Variants in SLC22A15 observed in about 807,000 individuals in gnomAD.
The protein encoded by SLC22A15 is flipt 1.
SLC22A15 carries 45 observed loss-of-function variants against 62.7 expected under a neutral mutation model. The observed-to-expected ratio is 0.72, with a 90% CI of 0.56 to 0.92. The LOEUF is 0.92. SLC22A15 is among the 40% of genes least tolerant of loss of function. The pLI, the probability that SLC22A15 is intolerant of heterozygous loss-of-function variation, is 0.00. For synonymous variants in SLC22A15, 264 were observed against 267.0 expected, an observed-to-expected ratio of 0.99 and a Z score of 0.11; for missense variants, 622 against 665.6, an observed-to-expected ratio of 0.93 and a Z score of 0.72.
chr1:116,048,861 T>G (rs1461708183), intron 8 of SLC22A15, among the ~76,000 whole-genome samples: 3 of 152,190 alleles, frequency 2.0e-5, no homozygotes, highest in Admixed American at 2.0e-4. Flanking sequence ...GAGACTCACC[T>G]AACACATTAA....
At chr1:116,030,358 T>C (rs1323293133) in intron 5 of SLC22A15, among the ~76,000 whole-genome samples, 1 of 152,176 alleles carries the variant, frequency 6.6e-6, no homozygotes, top group African/African-American at 2.4e-5. Context: ...ACTATCCTTA[T>C]TAGAAGGCAC....
intron 1 of SLC22A15, among the ~76,000 whole-genome samples, chr1:115,987,806 A>G (rs1186401804): frequency 5.3e-5 from 8 of 152,160 alleles, no homozygotes; most frequent in African/African-American, 1.9e-4. Flanking sequence ...TCTCGTTCTC[A>G]TCCTGGTTTT....
At chr1:116,010,634 G>T (rs1052986722) in intron 2 of SLC22A15, among the ~76,000 whole-genome samples, 11 of 152,152 alleles carry the variant, frequency 7.2e-5, no homozygotes, top group Non-Finnish European at 1.3e-4. Context: ...CATGTACAAA[G>T]TTGTAATTAT....
At chr1:116,002,098 G>T (rs903215879) in intron 2 of SLC22A15, among the ~76,000 whole-genome samples, 2 of 152,210 alleles carry the variant, frequency 1.3e-5, no homozygotes, top group African/African-American at 2.4e-5. Flanking sequence ...TTACAAACTC[G>T]TAGAGATACA....
In SLC22A15 at chr1:116,035,196, C is replaced by T; in HGVS notation, c.954C>T (p.Cys318=). The part of the protein sequence containing the change: ...TLILMFIWFV[C]SLVYYGLTLS... ...TGACTCCCAATTGCAGGTTTGTGTG[C>T]AGCTTGGTGTATTATGGCCTAACTC... is the stretch of plus-strand genomic sequence containing the variant. The change falls in exon 7 of 12, where the codon TGC becomes TGT. Residue 318 remains cysteine, a synonymous_variant. Transcript: ENST00000369503. 1.9e-6 allele frequency: 3 copies of T among 1,611,338 alleles called. No homozygotes were observed. Among genetic ancestry groups the T allele is most frequent in the Non-Finnish European group, 2.5e-6 (3 of 1,178,638 alleles).
In SLC22A15 at chr1:116,067,810, G is replaced by C. The variant is rs556987073; in HGVS notation, c.*702G>C. Reference sequence around the variant, plus strand: ...CAGAGTCAGGGGTGTAGCTCTGGCTGCCTGTCAGCTCCCTTGGATACTATA... The same window carrying C: ...CAGAGTCAGGGGTGTAGCTCTGGCTCCCTGTCAGCTCCCTTGGATACTATA... On this transcript the variant is annotated 3_prime_UTR_variant, in exon 12 of 12. Coordinates refer to ENST00000369503, the MANE Select transcript of SLC22A15 (RefSeq NM_018420.3). 6.6e-6 allele frequency: 1 copy of C among 152,300 alleles called. No individual in the cohort carries two copies. The highest frequency in any genetic ancestry group is 2.1e-4 in the South Asian group (1 of 4,826). The allele number at this position is 152,300 out of a possible 1,614,324, so 9.4% of individuals were successfully genotyped here.
intron 8 of SLC22A15, among the ~76,000 whole-genome samples, chr1:116,047,158 G>C (rs1028310920): frequency 8.5e-5 from 13 of 152,192 alleles, no homozygotes; most frequent in African/African-American, 3.1e-4. Flanking sequence ...GCCGCGCACA[G>C]TGGCTTACAC....
chr1:116,020,449 G>C (rs1418672473), intron 3 of SLC22A15, among the ~76,000 whole-genome samples: 1 of 151,284 alleles, frequency 6.6e-6, no homozygotes, highest in Admixed American at 6.6e-5. Context: ...CCAGCTACCC[G>C]GGAGGCTGAG....
At chr1:116,064,715 A>C (rs1450972349) in intron 10 of SLC22A15, among the ~76,000 whole-genome samples, 2 of 152,094 alleles carry the variant, frequency 1.3e-5, no homozygotes, top group African/African-American at 4.8e-5. Context: ...TTTTTTGTTC[A>C]TCTGGATTTG....
chr1:116,039,224 ATGTAT>A (rs1468892219), intron 8 of SLC22A15, among the ~76,000 whole-genome samples: 1 of 152,124 alleles, frequency 6.6e-6, no homozygotes, highest in Non-Finnish European at 1.5e-5. Flanking sequence ...GAAAACGTGG[ATGTAT>A]TGTCTATTTT....
chr1:116,037,142 G>A (rs1181115025), intron 7 of SLC22A15, among the ~76,000 whole-genome samples, 161 bp from the exon 8 acceptor site: 1 of 152,152 alleles, frequency 6.6e-6, no homozygotes, highest in Non-Finnish European at 1.5e-5. Context: ...TATTTATTTT[G>A]AGTCCTAGTC....
intron 1 of SLC22A15, among the ~76,000 whole-genome samples, chr1:115,982,502 A>AT (rs1654658579): frequency 1.3e-5 from 2 of 152,100 alleles, no homozygotes; most frequent in Admixed American, 1.3e-4. Flanking sequence ...ACAACTACAT[A>AT]TTTTTTAGTG....
intron 1 of SLC22A15, among the ~76,000 whole-genome samples, chr1:115,979,342 G>A (rs913408220): frequency 1.3e-5 from 2 of 152,142 alleles, no homozygotes; most frequent in African/African-American, 4.8e-5. Context: ...AATCTCAATA[G>A]CATTCAACTT....
intron 1 of SLC22A15, among the ~76,000 whole-genome samples, chr1:115,978,745 A>G (rs1266626581): frequency 6.6e-6 from 1 of 152,198 alleles, no homozygotes; most frequent in African/African-American, 2.4e-5. Flanking sequence ...GTATTACGGC[A>G]GCTGGTCTGT....
intron 8 of SLC22A15, among the ~76,000 whole-genome samples, chr1:116,050,930 C>T (rs547538708): frequency 6.6e-6 from 1 of 152,180 alleles, no homozygotes; most frequent in Non-Finnish European, 1.5e-5. Context: ...ACACCAATGG[C>T]AGCCAAGCAG....
At position 115,992,183 on chromosome 1, in the gene SLC22A15, C is replaced by T. The variant is rs369295758; in HGVS notation, c.240C>T (p.Asn80=). The part of the protein sequence containing the change: ...QAFGDWLLTA[N]GSEIHKHVHF... ...TTGGGGACTGGCTCCTGACAGCCAACGGCAGTGAGATCCATAAGCACGTGC... is the reference window on the plus strand; with the variant it reads ...TTGGGGACTGGCTCCTGACAGCCAATGGCAGTGAGATCCATAAGCACGTGC... Residue 80 remains asparagine, a synonymous_variant, in exon 2 of 12, where the codon AAC becomes AAT. Transcript: ENST00000369503. 3.2e-5 allele frequency: 52 copies of T among 1,610,674 alleles called. No homozygotes were observed. Among genetic ancestry groups the T allele is most frequent in the Non-Finnish European group, 4.2e-5 (50 of 1,178,428 alleles).
chr1:116,049,136 C>A (rs2153918), intron 8 of SLC22A15, among the ~76,000 whole-genome samples: 2,770 of 152,218 alleles, frequency 0.018, 84 homozygotes, highest in African/African-American at 0.063. Flanking sequence ...AGATAGACAG[C>A]AACATAATAA....
chr1:116,067,150 A>G lies in SLC22A15; in HGVS notation c.*42A>G, dbSNP rs1375589200. 5 of 1,508,638 alleles carry G rather than the reference A, an allele frequency of 3.3e-6. No homozygotes were observed. The highest frequency in any genetic ancestry group is 1.2e-5 in the South Asian group (1 of 85,206). The allele number at this position is 1,508,638 out of a possible 1,614,324, so 93.5% of individuals were successfully genotyped here. ...CCTAAGAAGCAAAGGATCGTCTTTT[A>G]TGCCTCTGGCTAAGGCAGGTTCTTC... On this transcript the variant is annotated 3_prime_UTR_variant, in exon 12 of 12. Transcript: ENST00000369503.
At position 116,064,456 on chromosome 1, in the gene SLC22A15, G is replaced by C; in HGVS notation, c.1313G>C (p.Cys438Ser). The C allele has an allele frequency of 6.2e-7, 1 of 1,613,478 alleles. No individual in the cohort carries two copies. The highest frequency in any genetic ancestry group is 8.5e-7 in the Non-Finnish European group (1 of 1,179,544). Residue 438 changes from cysteine to serine, a missense_variant, in exon 10 of 12, where the codon TGT (cysteine) becomes TCT (serine). By Grantham distance (112) the Cys-to-Ser change is moderately radical. Transcript: ENST00000369503. ...TVIRNVGLGT[C>S]SMFSRVGGII... The stretch of plus-strand genomic sequence containing the variant: ...TTCAGGAATGTTGGGCTTGGAACTT[G>C]TTCCATGTTCTCCCGAGTTGGTGGG...
Sources: gnomAD v4.1 joint callset for allele counts (sites outside exome capture counted in the v4.1 genomes callset) on GRCh38, gnomAD v4.1.1 for gene constraint, MANE v1.5 for transcripts, NCBI Gene and HGNC (gene_info 2026-07-23, HGNC 2026-07-21) for gene names.